The following SMPX variants were observed in gnomAD, a reference collection of about 807,000 sequenced individuals.
The protein encoded by SMPX is small muscle protein X-linked.
Under a neutral mutation model 6.3 loss-of-function variants are expected in SMPX, and 2 were observed. The observed-to-expected ratio is 0.32, with a 90% confidence interval of 0.13 to 0.99. The LOEUF (loss-of-function observed/expected upper bound fraction) is 0.99, where lower values mean the gene tolerates loss of function less well. Among genes scored for constraint, SMPX ranks in the 50% least tolerant of loss-of-function variants. SMPX has a pLI of 0.49. For missense variants in SMPX, 60 were observed against 66.8 expected (o/e 0.90, Z 0.36); for synonymous variants, 32 against 24.7 (o/e 1.30, Z -0.88).
chrX:21,719,917 T>C (rs958954424), intron 4 of SMPX, among the ~76,000 whole-genome samples: 7 of 112,149 alleles, frequency 6.2e-5, no homozygotes, highest in African/African-American at 2.3e-4. Flanking sequence ...TAAGAAATCC[T>C]GGGTGGTAAG....
Position 21,737,689 on chromosome X carries a change from A to G in SMPX, c.141T>C (p.Pro47=). Residue 47 remains proline, a synonymous_variant, in exon 4 of 5, where the codon CCT becomes CCC. Coordinates refer to ENST00000379494, the MANE Select transcript of SMPX (RefSeq NM_014332.3). The part of the protein sequence containing the change: ...ECTPEVEEGV[P]PTSDEEKKPI... ...GCTTCTTCTCCTCATCCGAGGTGGG[A>G]GGAACACCCTGAAGAGCAAGGAGAA... 8.3e-7 allele frequency: 1 copy of G among 1,210,605 alleles called. No homozygotes were observed. The highest frequency in any genetic ancestry group is 1.1e-6 in the Non-Finnish European group (1 of 894,410).
intron 4 of SMPX, among the ~76,000 whole-genome samples, chrX:21,722,083 C>T (rs1276656399): frequency 9.0e-6 from 1 of 110,630 alleles, no homozygotes; most frequent in Admixed American, 9.6e-5. Flanking sequence ...ATCGCTTGAG[C>T]CCAGGAGGTC....
At chrX:21,737,109 G>T (rs2147386713) in intron 4 of SMPX, among the ~76,000 whole-genome samples, 1 of 111,146 alleles carries the variant, frequency 9.0e-6, no homozygotes, top group South Asian at 3.9e-4. Flanking sequence ...CTGGGTCTCT[G>T]CCTCTTTATA....
chrX:21,738,612 T>A, intron 3 of SMPX, among the ~76,000 whole-genome samples: 1 of 110,841 alleles, frequency 9.0e-6, no homozygotes, highest in Non-Finnish European at 1.9e-5. Flanking sequence ...AGAACGCGCC[T>A]CTCGGATCAG....
chrX:21,757,346 G>A (rs1415004451), intron 1 of SMPX, among the ~76,000 whole-genome samples: 1 of 111,305 alleles, frequency 9.0e-6, no homozygotes, highest in Non-Finnish European at 1.9e-5. Context: ...TTCAGAACCT[G>A]GTGCCCACAT....
intron 4 of SMPX, among the ~76,000 whole-genome samples, chrX:21,722,496 GA>G (rs1211099548): frequency 1.8e-5 from 2 of 111,511 alleles, no homozygotes; most frequent in African/African-American, 6.5e-5. Context: ...AAAAAGTTAA[GA>G]AAAAAAACAG....
intron 4 of SMPX, among the ~76,000 whole-genome samples, chrX:21,733,076 G>A (rs1301322766): frequency 9.0e-6 from 1 of 111,626 alleles, no homozygotes; most frequent in Non-Finnish European, 1.9e-5. Flanking sequence ...ATAGCGGACC[G>A]AGCAGACTAA....
intron 4 of SMPX, among the ~76,000 whole-genome samples, chrX:21,710,357 G>T (rs2092777287): frequency 9.0e-6 from 1 of 111,493 alleles, no homozygotes; most frequent in South Asian, 3.8e-4. Flanking sequence ...CTATGAGTAT[G>T]CAAAGGTATA....
intron 3 of SMPX, among the ~76,000 whole-genome samples, 180 bp downstream of exon 3, chrX:21,743,570 C>T (rs2092818309): frequency 8.9e-6 from 1 of 112,020 alleles, no homozygotes; most frequent in Admixed American, 9.5e-5. Context: ...CAGTGCGTTT[C>T]AGGGCTGACT....
intron 4 of SMPX, among the ~76,000 whole-genome samples, chrX:21,714,952 T>C (rs2147372741): frequency 8.9e-6 from 1 of 112,303 alleles, no homozygotes; most frequent in African/African-American, 3.2e-5. Context: ...TTTGTTTGTT[T>C]GTTTTTTCAA....
intron 4 of SMPX, among the ~76,000 whole-genome samples, chrX:21,709,337 C>T (rs918574242): frequency 5.4e-5 from 6 of 112,083 alleles, no homozygotes; most frequent in Admixed American, 1.9e-4. Context: ...TAAATCCAAC[C>T]TCCCCATGAT....
In SMPX at chrX:21,737,677, A is replaced by T. The variant is rs772507508; in HGVS notation, c.153T>A (p.Asp51Glu). Residue 51 changes from aspartate (D) to glutamate (E), a missense_variant, in exon 4 of 5, where the codon GAT becomes GAA. Transcript: ENST00000379494. Reference protein sequence around the residue: ...EVEEGVPPTSDEEKKPIPGAK... With the variant: ...EVEEGVPPTSEEEKKPIPGAK... Reference sequence around the variant, plus strand: ...CTCCTGGAATTGGCTTCTTCTCCTCATCCGAGGTGGGAGGAACACCCTGAA... The same window carrying T: ...CTCCTGGAATTGGCTTCTTCTCCTCTTCCGAGGTGGGAGGAACACCCTGAA... The T allele has an allele frequency of 8.3e-7, 1 of 1,210,408 alleles. No homozygotes were observed. Among genetic ancestry groups the T allele is most frequent in the South Asian group, 1.8e-5 (1 of 56,972 alleles).
rs867631335 is a variant in SMPX at position 21,737,673 on chromosome X, C to T, written c.157G>A (p.Glu53Lys). 8 of 1,209,198 alleles carry T rather than the reference C, an allele frequency of 6.6e-6. No individual in the cohort carries two copies. The highest frequency in any genetic ancestry group is 8.9e-6 in the Non-Finnish European group (8 of 894,434). Residue 53 changes from glutamate to lysine, a missense_variant, in exon 4 of 5, where the codon GAG becomes AAG. Transcript: ENST00000379494. ...TTCGCTCCTGGAATTGGCTTCTTCTCCTCATCCGAGGTGGGAGGAACACCC... is the reference window on the plus strand; with the variant it reads ...TTCGCTCCTGGAATTGGCTTCTTCTTCTCATCCGAGGTGGGAGGAACACCC... ...EEGVPPTSDE[E>K]KKPIPGAKKL...
chrX:21,737,683 G>C lies in SMPX; in HGVS notation c.147C>G (p.Thr49=), dbSNP rs1476275836. 4 of 1,208,691 alleles carry C rather than the reference G, an allele frequency of 3.3e-6. No homozygotes were observed. Among genetic ancestry groups the C allele is most frequent in the South Asian group, 1.8e-5 (1 of 56,782 alleles). Reference sequence around the variant, plus strand: ...GAATTGGCTTCTTCTCCTCATCCGAGGTGGGAGGAACACCCTGAAGAGCAA... The same window carrying C: ...GAATTGGCTTCTTCTCCTCATCCGACGTGGGAGGAACACCCTGAAGAGCAA... ...TPEVEEGVPP[T]SDEEKKPIPG... is the part of the protein sequence containing the mutation. The change falls in exon 4 of 5, where the codon ACC becomes ACG. Residue 49 remains threonine (T), a synonymous_variant. Transcript: ENST00000379494.
At chrX:21,731,789 T>C (rs1224977985) in intron 4 of SMPX, among the ~76,000 whole-genome samples, 3 of 98,150 alleles carry the variant, frequency 3.1e-5, no homozygotes, top group African/African-American at 1.1e-4. Context: ...CATTTGTGTG[T>C]ATATGTGTAT....
At chrX:21,712,790 T>C (rs763900666) in intron 4 of SMPX, among the ~76,000 whole-genome samples, 3 of 112,314 alleles carry the variant, frequency 2.7e-5, no homozygotes, top group South Asian at 3.8e-4. Context: ...TTCTCAGCTT[T>C]TCCAAAGATG....
intron 3 of SMPX, among the ~76,000 whole-genome samples, chrX:21,742,917 C>G (rs1384126256): frequency 8.9e-6 from 1 of 112,374 alleles, no homozygotes; most frequent in Non-Finnish European, 1.9e-5. Flanking sequence ...TATTTGATTC[C>G]ATTTTCCATG....
chrX:21,744,859 T>C (rs1400781648), intron 2 of SMPX, among the ~76,000 whole-genome samples: 1 of 112,144 alleles, frequency 8.9e-6, no homozygotes, highest in Non-Finnish European at 1.9e-5. Context: ...TGACATGGAT[T>C]GTATGATTTT....
chrX:21,756,922 C>T (rs987687299), intron 1 of SMPX, among the ~76,000 whole-genome samples: 3 of 112,296 alleles, frequency 2.7e-5, no homozygotes, highest in Admixed American at 9.4e-5. Context: ...AGCTAAGCAC[C>T]GCTGAGTTTT....
Sources: allele counts gnomAD v4.1 joint callset (sites outside exome capture counted in the v4.1 genomes callset), GRCh38; gene constraint gnomAD v4.1.1; transcripts MANE v1.5; gene names NCBI Gene and HGNC (gene_info 2026-07-23, HGNC 2026-07-21).